The following GTF2A1 variants were observed in gnomAD, a reference collection of about 807,000 sequenced individuals.
GTF2A1 encodes the protein transcription initiation factor IIA subunit 1.
GTF2A1 carries 12 observed loss-of-function variants against 54.1 expected under a neutral mutation model. The observed-to-expected ratio is 0.22, with a 90% CI of 0.14 to 0.36. The LOEUF (loss-of-function observed/expected upper bound fraction) is 0.36. Ranked by LOEUF, GTF2A1 falls within the 10% of genes least tolerant of loss-of-function variation. The pLI, the probability that GTF2A1 is intolerant of heterozygous loss-of-function variation, is 1.00. For missense variants in GTF2A1, 335 were observed against 442.2 expected, an observed-to-expected ratio of 0.76 and a Z score of 2.17; for synonymous variants, 145 against 152.0, an observed-to-expected ratio of 0.95 and a Z score of 0.34.
rs1281861156 is a variant in GTF2A1 at position 81,220,798 on chromosome 14, C to G, written c.-280G>C. ...CGGGGGGCGTTGCCCGCTCCCCACCCCGCGCCAAGGAGGGAAACCACCACC... is the reference window on the plus strand; with the variant it reads ...CGGGGGGCGTTGCCCGCTCCCCACCGCGCGCCAAGGAGGGAAACCACCACC... On this transcript the variant is annotated 5_prime_UTR_variant, in exon 1 of 9. Coordinates refer to ENST00000553612, the MANE Select transcript of GTF2A1 (RefSeq NM_015859.4). 3 of 346,368 alleles carry G rather than the reference C, an allele frequency of 8.7e-6. No homozygotes were observed. The highest frequency in any genetic ancestry group is 6.4e-5 in the African/African-American group (3 of 47,074). The allele number at this position is 346,368 out of a possible 1,614,324, so 21.5% of individuals were successfully genotyped here. A position where few individuals can be genotyped will look rare whatever the true frequency, so the allele number is the denominator to read the frequency against.
intron 2 of GTF2A1, among the ~76,000 whole-genome samples, chr14:81,206,906 T>C (rs578231004): frequency 6.6e-6 from 1 of 152,132 alleles, no homozygotes; most frequent in African/African-American, 2.4e-5. Context: ...TGTACTACAC[T>C]GAGAAAAAAC....
intron 2 of GTF2A1, among the ~76,000 whole-genome samples, chr14:81,212,604 G>A (rs1893396888): frequency 6.6e-6 from 1 of 152,140 alleles, no homozygotes; most frequent in Non-Finnish European, 1.5e-5. Flanking sequence ...CCTTATACAA[G>A]CTTTTGATAA....
intron 7 of GTF2A1, 134 bp from the exon 8 acceptor site, chr14:81,185,754 T>C (rs373188018): frequency 8.0e-6 from 4 of 497,252 alleles, no homozygotes; most frequent in East Asian, 6.4e-5. Context: ...TTTAATATTG[T>C]CAAATCAGCT....
intron 1 of GTF2A1, 101 bp from the exon 2 acceptor site, chr14:81,216,615 T>G: frequency 1.6e-6 from 1 of 616,190 alleles, no homozygotes; most frequent in Non-Finnish European, 2.9e-6. Context: ...TTTTGCCAAC[T>G]ATCTATATAT....
At chr14:81,203,872 A>G (rs1893168829) in intron 3 of GTF2A1, 28 bp downstream of exon 3, 2 of 1,560,436 alleles carry the variant, frequency 1.3e-6, no homozygotes, top group African/African-American at 1.4e-5. Flanking sequence ...TTTCCAAGTC[A>G]TAAGTAGGAA....
Position 81,177,329 on chromosome 14 carries a change from A to G in GTF2A1, c.*2894T>C, listed in dbSNP as rs865853473. 6.6e-6 allele frequency: 1 copy of G among 152,262 alleles called. No homozygotes were observed. Among genetic ancestry groups the G allele is most frequent in the Non-Finnish European group, 1.5e-5 (1 of 67,940 alleles). The allele number at this position is 152,262 out of a possible 1,614,324, so 9.4% of individuals were successfully genotyped here. ...AGCCCAACATAAAGATCCCCCTCACATAACAGACATTTTACTCTAGAAATT... is the reference window on the plus strand; with the variant it reads ...AGCCCAACATAAAGATCCCCCTCACGTAACAGACATTTTACTCTAGAAATT... On this transcript the variant is annotated 3_prime_UTR_variant, in exon 9 of 9. Coordinates refer to ENST00000553612, the MANE Select transcript of GTF2A1 (RefSeq NM_015859.4).
chr14:81,206,316 CTA>C (rs1893229496), intron 2 of GTF2A1, among the ~76,000 whole-genome samples: 2 of 152,186 alleles, frequency 1.3e-5, no homozygotes, highest in Non-Finnish European at 2.9e-5. Context: ...CAATGCATCT[CTA>C]TGACATGGCC....
At chr14:81,198,062 T>C (rs922375940) in intron 4 of GTF2A1, among the ~76,000 whole-genome samples, 2 of 152,204 alleles carry the variant, frequency 1.3e-5, no homozygotes, top group Non-Finnish European at 2.9e-5. Context: ...TAAGATGTCA[T>C]ATTAGCAAAG....
intron 2 of GTF2A1, among the ~76,000 whole-genome samples, chr14:81,209,636 G>C (rs2140036852): frequency 6.6e-6 from 1 of 152,264 alleles, no homozygotes; most frequent in Admixed American, 6.5e-5. Flanking sequence ...CCTTAGTATA[G>C]CATGTTACCA....
At chr14:81,220,982 C>A (rs1328716909), upstream of GTF2A1, 3 of 158,670 alleles carry the variant, frequency 1.9e-5, no homozygotes, top group Non-Finnish European at 4.1e-5. Context: ...GAGGGAGGGG[C>A]GGAAAGGGCG....
At chr14:81,194,491 T>C (rs879294641) in intron 6 of GTF2A1, among the ~76,000 whole-genome samples, 6 of 152,192 alleles carry the variant, frequency 3.9e-5, no homozygotes, top group Non-Finnish European at 8.8e-5. Flanking sequence ...AGTACATAAT[T>C]TTGGAAAGAT....
In GTF2A1 at chr14:81,205,769, G is replaced by A. The variant is rs1314091434; in HGVS notation, c.133-1665C>T. Reference sequence around the variant, plus strand: ...ATTTAAGTCTCTGCTAATCCCAGGCGAAAGACAGCGCTTCTTCCCGTAGTA... The same window carrying A: ...ATTTAAGTCTCTGCTAATCCCAGGCAAAAGACAGCGCTTCTTCCCGTAGTA... On this transcript the variant is annotated intron_variant, in intron 2 of 8. Coordinates refer to ENST00000553612, the MANE Select transcript of GTF2A1 (RefSeq NM_015859.4). Among the ~76,000 whole-genome samples the A allele has an allele frequency of 4.6e-5, 7 of 152,156 alleles. 1 individual carries two copies. The highest frequency in any genetic ancestry group is 4.1e-4 in the South Asian group (2 of 4,828).
At chr14:81,189,289 A>C (rs750261470) in intron 7 of GTF2A1, among the ~76,000 whole-genome samples, 3 of 152,244 alleles carry the variant, frequency 2.0e-5, no homozygotes, top group Non-Finnish European at 4.4e-5. Flanking sequence ...GAGGCTCAAA[A>C]TACAAAAAGG....
rs781578392 is a variant in GTF2A1 at position 81,192,613 on chromosome 14, G to A, written c.839C>T (p.Ser280Leu). The A allele has an allele frequency of 6.2e-7, 1 of 1,612,378 alleles. No individual in the cohort carries two copies. Among genetic ancestry groups the A allele is most frequent in the Non-Finnish European group, 8.5e-7 (1 of 1,178,410 alleles). Residue 280 changes from serine to leucine, a missense_variant, in exon 7 of 9, where the codon TCA becomes TTA. Transcript: ENST00000553612. ...VLQVDGTGDT[S>L]SEEDEDEEED... ...TTCTTCATCTTCATCTTCTTCAGATGATGTATCCCCAGTTCCATCAACTTG... is the reference window on the plus strand; with the variant it reads ...TTCTTCATCTTCATCTTCTTCAGATAATGTATCCCCAGTTCCATCAACTTG...
At chr14:81,196,597 T>C (rs1223358584) in intron 5 of GTF2A1, among the ~76,000 whole-genome samples, 3 of 152,230 alleles carry the variant, frequency 2.0e-5, no homozygotes, top group Non-Finnish European at 2.9e-5. Context: ...GAGCTGTTCA[T>C]TTTTAAAGCT....
At position 81,179,714 on chromosome 14, in the gene GTF2A1, A is replaced by G. The variant is rs990888837; in HGVS notation, c.*509T>C. The G allele has an allele frequency of 1.2e-4, 18 of 152,252 alleles. No individual in the cohort carries two copies. Among genetic ancestry groups the G allele is most frequent in the Admixed American group, 3.3e-4 (5 of 15,284 alleles). The allele number at this position is 152,252 out of a possible 1,614,324, so 9.4% of individuals were successfully genotyped here. Reference sequence around the variant, plus strand: ...TAGCAAGTAAAAATATTTAAGACCTATTATGAGAGTTTTAAATTGTTTTCT... The same window carrying G: ...TAGCAAGTAAAAATATTTAAGACCTGTTATGAGAGTTTTAAATTGTTTTCT... On this transcript the variant is annotated 3_prime_UTR_variant, in exon 9 of 9. Transcript: ENST00000553612.
In GTF2A1 at chr14:81,220,737, TA is replaced by T. The variant is rs879011381; in HGVS notation, c.-220del. 0.069 allele frequency: 13,674 copies of T among 197,206 alleles called. No individual in the cohort carries two copies. The highest frequency in any genetic ancestry group is 0.13 in the Middle Eastern group (85 of 634). The allele number at this position is 197,206 out of a possible 1,614,324, so 12.2% of individuals were successfully genotyped here. On this transcript the variant is annotated 5_prime_UTR_variant, in exon 1 of 9. Transcript: ENST00000553612. ...CAGCTGAAAACCTCGAGAATCGCCT[TA>T]AAAAAAAAAAAAAAGCCACGACCCT... is the stretch of plus-strand genomic sequence containing the variant.
At chr14:81,201,503 C>A in intron 4 of GTF2A1, 91 bp downstream of exon 4, 1 of 691,604 alleles carries the variant, frequency 1.4e-6, no homozygotes, top group South Asian at 2.1e-5. Flanking sequence ...CAATAAACTT[C>A]AAGTAGTTAA....
chr14:81,181,304 G>A (rs1892633156), intron 8 of GTF2A1, among the ~76,000 whole-genome samples: 1 of 151,300 alleles, frequency 6.6e-6, no homozygotes, highest in African/African-American at 2.4e-5. Context: ...TGCAAAGAAG[G>A]CCCCCTGGTT....
Sources: gnomAD v4.1 joint callset for allele counts (sites outside exome capture counted in the v4.1 genomes callset) on GRCh38, gnomAD v4.1.1 for gene constraint, MANE v1.5 for transcripts, NCBI Gene and HGNC (gene_info 2026-07-23, HGNC 2026-07-21) for gene names.